The following NOC2L variants were observed in gnomAD, a reference collection of about 807,000 sequenced individuals.
NOC2L encodes the protein NOC2 like nucleolar associated transcriptional repressor.
A neutral mutation model predicts 94.2 loss-of-function variants in NOC2L; 101 were observed. The ratio of observed to expected loss-of-function variants is 1.07; its 90% confidence interval spans 0.91 to 1.26. The LOEUF is 1.26. Among genes scored for constraint, NOC2L ranks in the 50% most tolerant of loss-of-function variants. NOC2L has a pLI of 0.00. For synonymous variants in NOC2L, 531 were observed against 413.4 expected (o/e 1.28, Z -3.45); for missense variants, 1,076 against 980.1 (o/e 1.10, Z -1.31).
In NOC2L at chr1:945,615, C is replaced by T. The variant is rs769972766; in HGVS notation, c.1956G>A (p.Lys652=). The change falls in exon 17 of 19, where the codon AAG becomes AAA. Residue 652 remains lysine (K), a synonymous_variant. Transcript: ENST00000327044. ...DLNFPEIKRR[K]MADRKDEDRK... ...TGTCCTCATCCTTCCTGTCAGCCAT[C>T]TTCCTTCGTTTGATCTCAGGGAAGT... 1.9e-6 allele frequency: 3 copies of T among 1,614,220 alleles called. No individual in the cohort carries two copies. The highest frequency in any genetic ancestry group is 2.2e-5 in the East Asian group (1 of 44,894).
rs968768900 is a variant in NOC2L, at chr1:950,454, C to T, written c.1443+673G>A. On this transcript the variant is annotated intron_variant, in intron 12 of 18. Transcript: ENST00000327044. ...GCAGACAGGTGCACACAGGTACACACGCATGTGCATGCATACAGGTACACA... is the reference window on the plus strand; with the variant it reads ...GCAGACAGGTGCACACAGGTACACATGCATGTGCATGCATACAGGTACACA... 1.8e-4 allele frequency among the ~76,000 whole-genome samples: 28 copies of T among 151,964 alleles called. 1 individual carries two copies. Among genetic ancestry groups the T allele is most frequent in the Admixed American group, 1.3e-3 (20 of 15,276 alleles).
chr1:951,380 G>A, intron 11 of NOC2L, 142 bp from the exon 12 acceptor site: 2 of 660,184 alleles, frequency 3.0e-6, no homozygotes, highest in South Asian at 1.8e-5. Context: ...CCAGGGACCT[G>A]CACCCCTTGC....
chr1:949,955 G>A lies in NOC2L; in HGVS notation c.1443+1172C>T, dbSNP rs76376426. 1.4e-3 allele frequency among the ~76,000 whole-genome samples: 210 copies of A among 152,324 alleles called. 1 individual carries two copies. The East Asian group carries it at 0.033, about 24-fold the overall frequency. On this transcript the variant is annotated intron_variant, in intron 12 of 18. Transcript: ENST00000327044. ...GGCTGAGAACTCATTAGATAAACAGGGTGGAGATCGTGAATTCCTAAATTT... is the reference window on the plus strand; with the variant it reads ...GGCTGAGAACTCATTAGATAAACAGAGTGGAGATCGTGAATTCCTAAATTT...
At position 959,014 on chromosome 1, in the gene NOC2L, A is replaced by G. The variant is rs1408964970; in HGVS notation, c.94T>C (p.Ser32Pro). The G allele has an allele frequency of 6.2e-7, 1 of 1,612,334 alleles. No homozygotes were observed. The change falls in exon 2 of 19, where the codon TCC (serine) becomes CCC (proline). Residue 32 changes from serine to proline, a missense_variant. By Grantham distance (74) the Ser-to-Pro change is moderately conservative. Coordinates refer to ENST00000327044, the MANE Select transcript of NOC2L (RefSeq NM_015658.4). ...GTCTCCGCTTGTGGAGAATTTTCGG[A>G]CTCGGATTCGGACTCGGAGTCAAAG... ...SGFDSESESESENSPQAETRE... is the reference protein window; with the variant it reads ...SGFDSESESEPENSPQAETRE...
intron 6 of NOC2L, among the ~76,000 whole-genome samples, chr1:955,640 G>A (rs1048192267): frequency 1.3e-5 from 2 of 152,216 alleles, no homozygotes; most frequent in East Asian, 3.8e-4. Flanking sequence ...ACCCTAACCT[G>A]GGAAAATCTG....
chr1:954,228 C>G (rs779768789), intron 6 of NOC2L, 146 bp from the exon 7 acceptor site: 15 of 692,676 alleles, frequency 2.2e-5, no homozygotes, highest in Non-Finnish European at 3.6e-5. Flanking sequence ...GCTCAGGGCC[C>G]CTTACAGCTG....
chr1:953,134 A>G (rs548849235), intron 9 of NOC2L, 41 bp downstream of exon 9: 121 of 1,451,354 alleles, frequency 8.3e-5, no homozygotes, highest in Middle Eastern at 3.5e-4. Context: ...GAGATTTCCA[A>G]TGCAGATGCT....
At chr1:955,022 C>T (rs1375943891) in intron 6 of NOC2L, among the ~76,000 whole-genome samples, 1 of 152,226 alleles carries the variant, frequency 6.6e-6, no homozygotes, top group African/African-American at 2.4e-5. Context: ...AGCTGCCCAC[C>T]CAGACCCAGG....
In NOC2L at chr1:950,385, G is replaced by A. The variant is rs114631528; in HGVS notation, c.1443+742C>T. On this transcript the variant is annotated intron_variant, in intron 12 of 18. Coordinates refer to ENST00000327044, the MANE Select transcript of NOC2L (RefSeq NM_015658.4). The stretch of plus-strand genomic sequence containing the variant: ...CATGCACAGGTAGACACATGCAGAC[G>A]CAAATGCATGCACACAGGTGCACAC... 9.1e-3 allele frequency among the ~76,000 whole-genome samples: 1,386 copies of A among 151,692 alleles called. 12 individuals are homozygous for A. The highest frequency in any genetic ancestry group is 0.016 in the Non-Finnish European group (1,077 of 67,910).
chr1:951,985 C>T lies in NOC2L; in HGVS notation c.1331+15G>A, dbSNP rs756829393. ...CCTGACCCTCCCGCACAACCCTGCC[C>T]ACCCCACAACTCACTTGATACAGCC... On this transcript the variant is annotated intron_variant, in intron 11 of 18. Coordinates refer to ENST00000327044, the MANE Select transcript of NOC2L (RefSeq NM_015658.4). 6.8e-6 allele frequency: 11 copies of T among 1,608,302 alleles called. No homozygotes were observed. The highest frequency in any genetic ancestry group is 9.3e-6 in the Non-Finnish European group (11 of 1,177,262).
At chr1:956,549 C>T (rs543880228) in intron 4 of NOC2L, among the ~76,000 whole-genome samples, 1 of 152,248 alleles carries the variant, frequency 6.6e-6, no homozygotes, top group African/African-American at 2.4e-5. Context: ...CCAGCTCCAC[C>T]AACCAACAAA....
In NOC2L at chr1:957,225, C is replaced by T. The variant is rs1436517654; in HGVS notation, c.228G>A (p.Leu76=). ...TGTAGAACTCGGGGTCTCTGTCCTT[C>T]AGCCGAGAGAGCTGGTCTTTGTGCT... ...ASEHKDQLSR[L]KDRDPEFYKF... The change falls in exon 3 of 19, where the codon CTG becomes CTA. Residue 76 remains leucine, a synonymous_variant. Transcript: ENST00000327044. 3.1e-6 allele frequency: 5 copies of T among 1,613,438 alleles called. No homozygotes were observed. The highest frequency in any genetic ancestry group is 4.2e-6 in the Non-Finnish European group (5 of 1,179,942).
Position 959,206 on chromosome 1 carries a change from G to C in NOC2L, c.26+9C>G. 1 of 1,610,182 alleles carries C rather than the reference G, an allele frequency of 6.2e-7. No homozygotes were observed. Among genetic ancestry groups the C allele is most frequent in the Non-Finnish European group, 8.5e-7 (1 of 1,178,900 alleles). On this transcript the variant is annotated intron_variant, in intron 1 of 18. Coordinates refer to ENST00000327044, the MANE Select transcript of NOC2L (RefSeq NM_015658.4). ...GGAGGCCAAATCGGCCCTCGGACCC[G>C]CGGCTTACCTCTTGCGGCTCCCCGC...
chr1:947,666 G>T (rs748534086), intron 14 of NOC2L, among the ~76,000 whole-genome samples: 1 of 152,212 alleles, frequency 6.6e-6, no homozygotes, highest in Non-Finnish European at 1.5e-5. Context: ...TGAGGCTGAC[G>T]TGGGGTATTT....
chr1:950,457 A>G (rs532121778), intron 12 of NOC2L, among the ~76,000 whole-genome samples: 36 of 152,128 alleles, frequency 2.4e-4, no homozygotes, highest in East Asian at 2.3e-3. Flanking sequence ...GTACACACGC[A>G]TGTGCATGCA....
intron 2 of NOC2L, 176 bp downstream of exon 2, chr1:958,753 G>A (rs1642491310): frequency 2.7e-6 from 2 of 739,010 alleles, no homozygotes; most frequent in East Asian, 5.3e-5. Context: ...ACAGAGTTTG[G>A]CACGGAACAG....
chr1:957,094 C>T lies in NOC2L; in HGVS notation c.354+5G>A. The T allele has an allele frequency of 1.2e-6, 2 of 1,614,050 alleles. No homozygotes were observed. Among genetic ancestry groups the T allele is most frequent in the Non-Finnish European group, 8.5e-7 (1 of 1,180,012 alleles). ...CCCCCCTTCTGGTTTGGCCCACGCC[C>T]TCACCTCCAGCACATCTGGCAGGGA... is the stretch of plus-strand genomic sequence containing the variant. On this transcript the variant is annotated splice_donor_5th_base_variant and intron_variant, in intron 3 of 18. Coordinates refer to ENST00000327044, the MANE Select transcript of NOC2L (RefSeq NM_015658.4).
At chr1:946,091 G>T in intron 16 of NOC2L, 82 bp downstream of exon 16, 1 of 1,060,050 alleles carries the variant, frequency 9.4e-7, no homozygotes, top group Non-Finnish European at 1.4e-6. Flanking sequence ...CCAAACCCTC[G>T]CCCTGGTCTC....
chr1:957,281 G>C lies in NOC2L; in HGVS notation c.180-8C>G. On this transcript the variant is annotated splice_region_variant and splice_polypyrimidine_tract_variant and intron_variant, in intron 2 of 18. Transcript: ENST00000327044. ...GCACGGCCTTTACGCCGGCTGAGGA[G>C]GCAGAAGTCAGCGACCCCAGTGGGA... 6.2e-7 allele frequency: 1 copy of C among 1,612,820 alleles called. No individual in the cohort carries two copies. The highest frequency in any genetic ancestry group is 8.5e-7 in the Non-Finnish European group (1 of 1,179,396).
Sources: allele counts gnomAD v4.1 joint callset (sites outside exome capture counted in the v4.1 genomes callset), GRCh38; gene constraint gnomAD v4.1.1; transcripts MANE v1.5; gene names NCBI Gene and HGNC (gene_info 2026-07-23, HGNC 2026-07-21).